GBF1: variants seen among roughly 807,000 people sequenced by gnomAD.
The protein encoded by GBF1 is Golgi-specific brefeldin A-resistance guanine nucleotide exchange factor 1.
In GBF1, 114 loss-of-function variants were observed where a neutral mutation model predicts 210.5. The observed-to-expected ratio is 0.54, with a 90% CI of 0.47 to 0.63. The LOEUF (loss-of-function observed/expected upper bound fraction) is 0.63. GBF1 is among the 30% of genes least tolerant of loss of function. The pLI, the probability that GBF1 is intolerant of heterozygous loss-of-function variation, is 0.00. For synonymous variants in GBF1, 850 were observed against 889.2 expected, an observed-to-expected ratio of 0.96 and a Z score of 0.78; for missense variants, 1,851 against 2,357.7, an observed-to-expected ratio of 0.79 and a Z score of 4.45.
chr10:102,348,265 T>C (rs1397312339), intron 4 of GBF1, among the ~76,000 whole-genome samples: 1 of 152,158 alleles, frequency 6.6e-6, no homozygotes, highest in Non-Finnish European at 1.5e-5. Context: ...AAATTAACTT[T>C]GCTACTTCAT....
chr10:102,351,478 G>A, intron 5 of GBF1, 104 bp downstream of exon 5: 1 of 725,612 alleles, frequency 1.4e-6, no homozygotes, highest in Non-Finnish European at 2.5e-6. Context: ...CTCCACTGGG[G>A]CTTAGGGGAG....
chr10:102,361,205 A>G (rs1250434310), intron 13 of GBF1, 85 bp downstream of exon 13: 14 of 798,940 alleles, frequency 1.8e-5, no homozygotes, highest in Admixed American at 1.4e-4. Flanking sequence ...CTATCATGCT[A>G]CAGGGGTAGG....
At chr10:102,285,325 C>T (rs1022125950) in intron 3 of GBF1, among the ~76,000 whole-genome samples, 3 of 152,230 alleles carry the variant, frequency 2.0e-5, no homozygotes, top group African/African-American at 7.2e-5. Context: ...TTTGCTTACA[C>T]ATTACCAGCT....
intron 3 of GBF1, among the ~76,000 whole-genome samples, chr10:102,294,943 C>T (rs1185758521): frequency 6.6e-6 from 1 of 152,176 alleles, no homozygotes; most frequent in Non-Finnish European, 1.5e-5. Context: ...GTATCTCTGT[C>T]CTTAAGCAAT....
At chr10:102,243,959 A>G (rs141320156), upstream of GBF1, among the ~76,000 whole-genome samples, 53 of 152,086 alleles carry the variant, frequency 3.5e-4, no homozygotes, top group East Asian at 9.5e-3. Flanking sequence ...GTGAAACCCC[A>G]TCTCTACTAA....
chr10:102,334,636 C>T (rs2057590228), intron 3 of GBF1, among the ~76,000 whole-genome samples: 1 of 152,130 alleles, frequency 6.6e-6, no homozygotes, highest in Non-Finnish European at 1.5e-5. Flanking sequence ...ATCACGAGGT[C>T]AGGAGATCGA....
chr10:102,307,224 C>A (rs2077967337), intron 3 of GBF1, among the ~76,000 whole-genome samples: 1 of 152,112 alleles, frequency 6.6e-6, no homozygotes, highest in African/African-American at 2.4e-5. Flanking sequence ...TCAGCTCTTA[C>A]TATAACATGG....
chr10:102,370,342 C>T, intron 27 of GBF1, 42 bp from the exon 28 acceptor site: 2 of 1,522,660 alleles, frequency 1.3e-6, no homozygotes, highest in Non-Finnish European at 1.8e-6. Flanking sequence ...CAGTGGTTGG[C>T]TTCTTTTCCA....
intron 3 of GBF1, among the ~76,000 whole-genome samples, chr10:102,283,007 A>G (rs1290696339): frequency 6.6e-6 from 1 of 152,232 alleles, no homozygotes; most frequent in Non-Finnish European, 1.5e-5. Context: ...GATCCTAGAT[A>G]CTATTAAAAG....
At chr10:102,261,196 T>C (rs2073161840) in intron 3 of GBF1, among the ~76,000 whole-genome samples, 1 of 152,122 alleles carries the variant, frequency 6.6e-6, no homozygotes. Flanking sequence ...CTTCTGTACA[T>C]GTGATTAGAA....
intron 3 of GBF1, among the ~76,000 whole-genome samples, chr10:102,334,115 T>C (rs2057545581): frequency 1.3e-5 from 2 of 152,310 alleles, no homozygotes; most frequent in African/African-American, 4.8e-5. Flanking sequence ...GTAAAGAACA[T>C]GCATGGGAGC....
chr10:102,236,045 GA>G, the GBF1 span, among the ~76,000 whole-genome samples: 1 of 152,148 alleles, frequency 6.6e-6, no homozygotes, highest in Non-Finnish European at 1.5e-5. Flanking sequence ...AAGAGAGAAG[GA>G]AAGAACAGTA....
chr10:102,231,390 G>T, the GBF1 span, among the ~76,000 whole-genome samples: 1 of 152,168 alleles, frequency 6.6e-6, no homozygotes, highest in Admixed American at 6.5e-5. Flanking sequence ...GAAGCGCGCG[G>T]TCCGAGTAGT....
At chr10:102,231,288 G>C in the GBF1 span, among the ~76,000 whole-genome samples, 1 of 152,218 alleles carries the variant, frequency 6.6e-6, no homozygotes, top group Non-Finnish European at 1.5e-5. Flanking sequence ...GCGGGCGGCT[G>C]GACCGAGTCA....
chr10:102,365,026 G>A (rs1441073307), intron 17 of GBF1, among the ~76,000 whole-genome samples: 1 of 152,178 alleles, frequency 6.6e-6, no homozygotes, highest in Non-Finnish European at 1.5e-5. Context: ...AACCAAAGAA[G>A]CTAAGCTAGG....
intron 4 of GBF1, among the ~76,000 whole-genome samples, chr10:102,344,568 C>T (rs1465671179): frequency 6.6e-6 from 1 of 151,584 alleles, no homozygotes; most frequent in Non-Finnish European, 1.5e-5. Flanking sequence ...GCAAGCTCCA[C>T]CTCCCGGGTT....
rs184444129 is a variant in GBF1, at chr10:102,299,740, C to T, written c.163+39624C>T. Among the ~76,000 whole-genome samples the T allele has an allele frequency of 8.2e-4, 125 of 152,220 alleles. 1 individual carries two copies. The highest frequency in any genetic ancestry group is 1.7e-3 in the South Asian group (8 of 4,818). On this transcript the variant is annotated intron_variant, in intron 3 of 39. Transcript: ENST00000369983. ...GAGGGGTTGTGGTGAGCCAAGATCA[C>T]GCTGTTGCACTCCAGCCTGGGCAAC... is the stretch of plus-strand genomic sequence containing the variant.
At chr10:102,231,910 G>C in the GBF1 span, 1 of 1,551,106 alleles carries the variant, frequency 6.4e-7, no homozygotes, top group Non-Finnish European at 8.9e-7. Flanking sequence ...GGTCCCACCC[G>C]CACTGGGGAT....
intron 3 of GBF1, among the ~76,000 whole-genome samples, chr10:102,278,773 G>A (rs1443559649): frequency 6.6e-6 from 1 of 152,126 alleles, no homozygotes; most frequent in Admixed American, 6.5e-5. Context: ...GATTCAGGTG[G>A]TGTGTGTCTA....
Sources: gnomAD v4.1 joint callset for allele counts (sites outside exome capture counted in the v4.1 genomes callset) on GRCh38, gnomAD v4.1.1 for gene constraint, MANE v1.5 for transcripts, NCBI Gene and HGNC (gene_info 2026-07-23, HGNC 2026-07-21) for gene names.